The following ABL2 variants were observed in gnomAD, a reference collection of about 807,000 sequenced individuals.
The protein encoded by ABL2 is tyrosine-protein kinase ABL2.
ABL2 carries 49 observed loss-of-function variants against 107.7 expected under a neutral mutation model. That is an observed-to-expected ratio of 0.45 (90% CI 0.36 to 0.58). The LOEUF (loss-of-function observed/expected upper bound fraction) is 0.58, where lower values mean the gene tolerates loss of function less well. Among genes scored for constraint, ABL2 ranks in the 20% least tolerant of loss-of-function variants. The pLI, the probability that ABL2 is intolerant of heterozygous loss-of-function variation, is 0.00. For synonymous variants in ABL2, 549 were observed against 548.6 expected, an observed-to-expected ratio of 1.00 and a Z score of -0.01; for missense variants, 1,245 against 1,457.0, an observed-to-expected ratio of 0.85 and a Z score of 2.37.
Position 179,179,979 on chromosome 1 carries a change from G to T in ABL2, c.158-46605C>A, listed in dbSNP as rs536317022. ...AAAAAAAATTAGCCAGGTGTTGGTG[G>T]CACACGCCTGTCATCCAAGCTACCT... On this transcript the variant is annotated intron_variant, in intron 1 of 11. Transcript: ENST00000502732. 1.2e-4 allele frequency among the ~76,000 whole-genome samples: 18 copies of T among 151,936 alleles called. No individual in the cohort carries two copies. In the East Asian group the frequency reaches 3.5e-3, roughly 29 times the overall value.
intron 1 of ABL2, among the ~76,000 whole-genome samples, chr1:179,224,073 G>C (rs1388616104): frequency 7.4e-6 from 1 of 134,558 alleles, no homozygotes; most frequent in Admixed American, 8.5e-5. Flanking sequence ...CAAGGCTGCA[G>C]TGAGCCATGA....
intron 1 of ABL2, among the ~76,000 whole-genome samples, chr1:179,218,982 T>C (rs899603359): frequency 2.0e-5 from 3 of 152,240 alleles, no homozygotes; most frequent in African/African-American, 4.8e-5. Flanking sequence ...AATCTCTGTA[T>C]GTGCAGTGCC....
intron 3 of ABL2, among the ~76,000 whole-genome samples, chr1:179,127,254 A>G (rs1429318411): frequency 1.3e-5 from 2 of 152,214 alleles, no homozygotes; most frequent in Admixed American, 1.3e-4. Flanking sequence ...AAAACTGTTT[A>G]GTGGGGTGAG....
At chr1:179,180,928 A>G (rs189345698) in intron 1 of ABL2, among the ~76,000 whole-genome samples, 100 of 152,310 alleles carry the variant, frequency 6.6e-4, no homozygotes, top group Non-Finnish European at 1.1e-3. Context: ...AAATGCAAAA[A>G]GCGTGATAAT....
rs772773709 is a variant in ABL2 at position 179,108,443 on chromosome 1, T to G, written c.2824A>C (p.Thr942Pro). Reference sequence around the variant, plus strand: ...CCAATGAGCTGCACGTCAGCTGGAGTGTGTTTCAGAGTGGGTGAGATAAGG... The same window carrying G: ...CCAATGAGCTGCACGTCAGCTGGAGGGTGTTTCAGAGTGGGTGAGATAAGG... ...PVLISPTLKH[T>P]PADVQLIGTD... Residue 942 changes from threonine to proline, a missense_variant, in exon 12 of 12, where the codon ACT (threonine) becomes CCT (proline). Transcript: ENST00000502732. 4 of 1,613,952 alleles carry G rather than the reference T, an allele frequency of 2.5e-6. No individual in the cohort carries two copies. The highest frequency in any genetic ancestry group is 3.4e-6 in the Non-Finnish European group (4 of 1,179,984).
chr1:179,169,380 CTACAAAAAA>C (rs777602961), intron 1 of ABL2, among the ~76,000 whole-genome samples: 1 of 152,004 alleles, frequency 6.6e-6, no homozygotes, highest in African/African-American at 2.4e-5. Context: ...AACCCGGTCT[CTACAAAAAA>C]TACAAAAAAT....
At chr1:179,136,743 A>AATAAATAAAT (rs775233546) in intron 1 of ABL2, among the ~76,000 whole-genome samples, 6 of 80,316 alleles carry the variant, frequency 7.5e-5, no homozygotes, top group Admixed American at 4.1e-4. Flanking sequence ...TAAATAAATA[A>AATAAATAAAT]AAATAAAAAT....
chr1:179,212,214 C>T (rs1216553874), intron 1 of ABL2, among the ~76,000 whole-genome samples: 1 of 152,180 alleles, frequency 6.6e-6, no homozygotes, highest in Non-Finnish European at 1.5e-5. Flanking sequence ...CAATCATCTC[C>T]ACCTGGTTCT....
intron 1 of ABL2, among the ~76,000 whole-genome samples, chr1:179,198,693 C>CAAAAAA (rs534990752): frequency 2.4e-3 from 84 of 34,840 alleles, no homozygotes; most frequent in Admixed American, 4.5e-3. Context: ...ACTCCATCTC[C>CAAAAAA]AAAAAAAAAA....
In ABL2 at chr1:179,205,141, C is replaced by T. The variant is rs1038350619; in HGVS notation, c.157+24100G>A. Among the ~76,000 whole-genome samples, 36 of 152,052 alleles carry T rather than the reference C, an allele frequency of 2.4e-4. No homozygotes were observed. In the Middle Eastern group the frequency reaches 0.024, roughly 101 times the overall value. Reference sequence around the variant, plus strand: ...TCCTGGGTTCAAGAGATTCTCCTGCCTCAGCCTCCTGAGTAGCTGGGATTA... The same window carrying T: ...TCCTGGGTTCAAGAGATTCTCCTGCTTCAGCCTCCTGAGTAGCTGGGATTA... On this transcript the variant is annotated intron_variant, in intron 1 of 11. Transcript: ENST00000502732.
At chr1:179,158,789 C>A in intron 1 of ABL2, among the ~76,000 whole-genome samples, 1 of 152,128 alleles carries the variant, frequency 6.6e-6, no homozygotes, top group South Asian at 2.1e-4. Context: ...TTTTACTATA[C>A]CAACTATGAT....
At chr1:179,151,754 A>G (rs1658373783) in intron 1 of ABL2, among the ~76,000 whole-genome samples, 2 of 152,196 alleles carry the variant, frequency 1.3e-5, no homozygotes, top group African/African-American at 4.8e-5. Flanking sequence ...ATTTAATTCA[A>G]TTTCTCCCTA....
intron 1 of ABL2, among the ~76,000 whole-genome samples, chr1:179,217,540 C>T (rs543319635): frequency 1.7e-4 from 25 of 149,660 alleles, no homozygotes; most frequent in Admixed American, 1.1e-3. Context: ...GCAGGAGAAC[C>T]GTTTGAACCC....
intron 1 of ABL2, among the ~76,000 whole-genome samples, chr1:179,195,931 G>A (rs1661283748): frequency 6.6e-6 from 1 of 152,202 alleles, no homozygotes; most frequent in Admixed American, 6.5e-5. Context: ...CTTCAGTCTG[G>A]AAGAAGAAAA....
intron 10 of ABL2, among the ~76,000 whole-genome samples, chr1:179,111,950 C>A (rs28913881): frequency 0.024 from 3,609 of 151,920 alleles, 115 homozygotes; most frequent in Admixed American, 0.064. Context: ...GAGGCTGAGG[C>A]ACAAGAATTG....
At chr1:179,118,524 T>C (rs565811485) in intron 7 of ABL2, 63 bp downstream of exon 7, 1 of 1,522,458 alleles carries the variant, frequency 6.6e-7, no homozygotes, top group South Asian at 1.2e-5. Context: ...TCTCACATTC[T>C]TCCTTTTATC....
chr1:179,151,860 C>T (rs1019505934), intron 1 of ABL2, among the ~76,000 whole-genome samples: 1 of 152,126 alleles, frequency 6.6e-6, no homozygotes, highest in East Asian at 1.9e-4. Flanking sequence ...GTTGTTATCA[C>T]CCCTGTTGAA....
At chr1:179,191,277 GC>G (rs1660993805) in intron 1 of ABL2, among the ~76,000 whole-genome samples, 1 of 152,080 alleles carries the variant, frequency 6.6e-6, no homozygotes, top group Admixed American at 6.5e-5. Context: ...ACTGATTTCT[GC>G]CAGCTATAAG....
chr1:179,184,264 A>G, intron 1 of ABL2: 1 of 535,204 alleles, frequency 1.9e-6, no homozygotes, highest in East Asian at 3.5e-5. Context: ...TTTGATGAAA[A>G]TCCTTCCTTT....
Sources: gnomAD v4.1 joint callset for allele counts (sites outside exome capture counted in the v4.1 genomes callset) on GRCh38, gnomAD v4.1.1 for gene constraint, MANE v1.5 for transcripts, NCBI Gene and HGNC (gene_info 2026-07-23, HGNC 2026-07-21) for gene names.